The following NMT2 variants were observed in gnomAD, a reference collection of about 807,000 sequenced individuals.
NMT2 encodes the protein glycylpeptide N-tetradecanoyltransferase 2.
In NMT2, 35 loss-of-function variants were observed where a neutral mutation model predicts 65.4. That is an observed-to-expected ratio of 0.54 (90% CI 0.41 to 0.71). NMT2 has a LOEUF of 0.71. Ranked by LOEUF, NMT2 falls within the 30% of genes least tolerant of loss-of-function variation. The probability of loss-of-function intolerance (pLI) is 0.00; values close to 1 mark genes in which losing one functional copy is unlikely to be tolerated. For missense variants in NMT2, 489 were observed against 611.3 expected, an observed-to-expected ratio of 0.80 and a Z score of 2.11; for synonymous variants, 226 against 231.8, an observed-to-expected ratio of 0.98 and a Z score of 0.23.
chr10:15,152,401 G>A (rs1219176777), intron 1 of NMT2, among the ~76,000 whole-genome samples: 1 of 152,220 alleles, frequency 6.6e-6, no homozygotes, highest in Non-Finnish European at 1.5e-5. Flanking sequence ...AAGACAAGGA[G>A]CAAGTGGCAG....
Position 15,109,755 on chromosome 10 carries a change from T to G in NMT2, c.1423A>C (p.Asn475His). The change falls in exon 11 of 12, where the codon AAT becomes CAT. Residue 475 changes from asparagine (N) to histidine (H), a missense_variant. Coordinates refer to ENST00000378165, the MANE Select transcript of NMT2 (RefSeq NM_004808.3). ...EKLKFGIGDG[N>H]LQYYLYNWRC... ...CAATTGTACAGGTAATACTGCAAATTGCCATCTCCTATACCAAACTTGAGT... is the reference window on the plus strand; with the variant it reads ...CAATTGTACAGGTAATACTGCAAATGGCCATCTCCTATACCAAACTTGAGT... 6.2e-7 allele frequency: 1 copy of G among 1,613,894 alleles called. No homozygotes were observed. The highest frequency in any genetic ancestry group is 8.5e-7 in the Non-Finnish European group (1 of 1,179,890).
intron 2 of NMT2, among the ~76,000 whole-genome samples, chr10:15,139,273 TATCTATCTATCTATCTATCTATCC>T (rs960920428): frequency 2.6e-5 from 4 of 151,316 alleles, no homozygotes; most frequent in African/African-American, 9.8e-5. Flanking sequence ...TCTATCTATC[TATCTATCTATCTATCTATCTATCC>T]ATCCATCCAT....
At chr10:15,112,218 T>TATA (rs1564557605) in intron 10 of NMT2, among the ~76,000 whole-genome samples, 20 of 9,510 alleles carry the variant, frequency 2.1e-3, no homozygotes, top group Non-Finnish European at 3.6e-3. Flanking sequence ...ATATATATAT[T>TATA]TTTTTTTTTT....
At chr10:15,132,694 C>A in intron 6 of NMT2, 123 bp downstream of exon 6, 1 of 636,768 alleles carries the variant, frequency 1.6e-6, no homozygotes, top group Non-Finnish European at 2.7e-6. Flanking sequence ...TCCCAAAGTG[C>A]TGGGATTAGA....
rs540627585 is a variant in NMT2 at position 15,143,581 on chromosome 10, G to T, written c.111-2024C>A. Among the ~76,000 whole-genome samples, 6 of 152,348 alleles carry T rather than the reference G, an allele frequency of 3.9e-5. No individual in the cohort carries two copies. The South Asian group carries it at 1.0e-3, about 26-fold the overall frequency. On this transcript the variant is annotated intron_variant, in intron 1 of 11. Transcript: ENST00000378165. ...GTCAGTTAGTAATTTGCTCAGCCAG[G>T]CATGGTGGCTCACGCCTATAATCCC...
At chr10:15,135,805 C>G (rs1846465426) in intron 2 of NMT2, among the ~76,000 whole-genome samples, 3 of 151,318 alleles carry the variant, frequency 2.0e-5, no homozygotes, top group Admixed American at 1.3e-4. Flanking sequence ...AGTAAATGCT[C>G]TGCAGGAGCA....
intron 8 of NMT2, among the ~76,000 whole-genome samples, chr10:15,122,830 C>T (rs1002733176): frequency 1.3e-5 from 2 of 151,938 alleles, no homozygotes; most frequent in Non-Finnish European, 2.9e-5. Flanking sequence ...AAACAAAAGA[C>T]TACAGAAATA....
At position 15,107,062 on chromosome 10, in the gene NMT2, C is replaced by G. The variant is rs1030362355; in HGVS notation, c.*2133G>C. On this transcript the variant is annotated 3_prime_UTR_variant, in exon 12 of 12. Coordinates refer to ENST00000378165, the MANE Select transcript of NMT2 (RefSeq NM_004808.3). ...GTTTGGGGCTGCAGTGAGCTGTTGA[C>G]TGTGCCACTGTATTCTAGCCTGGAC... Among the ~76,000 whole-genome samples the G allele has an allele frequency of 1.3e-5, 2 of 149,050 alleles. No homozygotes were observed. Among genetic ancestry groups the G allele is most frequent in the Non-Finnish European group, 1.5e-5 (1 of 67,792 alleles).
At chr10:15,141,633 A>G in intron 1 of NMT2, 76 bp from the exon 2 acceptor site, 1 of 1,485,410 alleles carries the variant, frequency 6.7e-7, no homozygotes, top group Non-Finnish European at 9.0e-7. Flanking sequence ...CATACAATTA[A>G]TCATTTCAAA....
At chr10:15,157,420 C>T (rs1337320524) in intron 1 of NMT2, among the ~76,000 whole-genome samples, 1 of 152,144 alleles carries the variant, frequency 6.6e-6, no homozygotes, top group African/African-American at 2.4e-5. Context: ...TACCTCCCGG[C>T]AGCGCTTTCA....
chr10:15,157,119 C>A (rs191274632), intron 1 of NMT2, among the ~76,000 whole-genome samples: 1 of 152,264 alleles, frequency 6.6e-6, no homozygotes, highest in Non-Finnish European at 1.5e-5. Context: ...CCAACCTTCT[C>A]TGGGAAGGTA....
At position 15,105,931 on chromosome 10, in the gene NMT2, A is replaced by G; in HGVS notation, c.*3264T>C. Reference sequence around the variant, plus strand: ...ACAAATTATGTAAATGACTCTTTAAAGGAGCAGTGTAACTGTCACCGTGAG... The same window carrying G: ...ACAAATTATGTAAATGACTCTTTAAGGGAGCAGTGTAACTGTCACCGTGAG... On this transcript the variant is annotated 3_prime_UTR_variant, in exon 12 of 12. Coordinates refer to ENST00000378165, the MANE Select transcript of NMT2 (RefSeq NM_004808.3). 3.2e-6 allele frequency: 1 copy of G among 309,538 alleles called. No individual in the cohort carries two copies. 19.2% of individuals were successfully genotyped at this position (309,538 alleles called of 1,614,324 possible). A position where few individuals can be genotyped will look rare whatever the true frequency, so the allele number is the denominator to read the frequency against.
chr10:15,137,884 A>G (rs1345764890), intron 2 of NMT2, among the ~76,000 whole-genome samples: 1 of 152,122 alleles, frequency 6.6e-6, no homozygotes, highest in African/African-American at 2.4e-5. Context: ...CTTCAGAGTG[A>G]TTTATTCCCT....
At chr10:15,136,450 AGGAG>A (rs1472879502) in intron 2 of NMT2, among the ~76,000 whole-genome samples, 2 of 96,652 alleles carry the variant, frequency 2.1e-5, no homozygotes, top group Non-Finnish European at 4.1e-5. Context: ...GGACAGGGGG[AGGAG>A]GGAGGGAGAG....
rs573364749 is a variant in NMT2, at chr10:15,142,516, T to C, written c.111-959A>G. Among the ~76,000 whole-genome samples the C allele has an allele frequency of 2.6e-5, 4 of 152,254 alleles. No homozygotes were observed. The South Asian group carries it at 8.3e-4, about 32-fold the overall frequency. On this transcript the variant is annotated intron_variant, in intron 1 of 11. Coordinates refer to ENST00000378165, the MANE Select transcript of NMT2 (RefSeq NM_004808.3). ...GACGGAGGTTGCAGTGAGCCAAGATTGTGCCACTGCACTCTGGCCTGGGCA... is the reference window on the plus strand; with the variant it reads ...GACGGAGGTTGCAGTGAGCCAAGATCGTGCCACTGCACTCTGGCCTGGGCA...
intron 1 of NMT2, among the ~76,000 whole-genome samples, chr10:15,166,208 G>A (rs1833373763): frequency 6.6e-6 from 1 of 152,162 alleles, no homozygotes; most frequent in African/African-American, 2.4e-5. Context: ...ACATTATACT[G>A]AGTGGTGGGG....
intron 9 of NMT2, among the ~76,000 whole-genome samples, chr10:15,118,639 T>G (rs1217283180): frequency 1.4e-5 from 2 of 145,652 alleles, no homozygotes; most frequent in Admixed American, 1.4e-4. Flanking sequence ...ATAAAAGAAA[T>G]AAACATGGCT....
chr10:15,113,394 C>T (rs760750589), intron 9 of NMT2, among the ~76,000 whole-genome samples: 1 of 145,450 alleles, frequency 6.9e-6, no homozygotes, highest in Admixed American at 6.9e-5. Flanking sequence ...CGCTTGAACC[C>T]CAGAGGCGGA....
chr10:15,133,622 T>G (rs138825884), intron 3 of NMT2, among the ~76,000 whole-genome samples: 1,768 of 152,314 alleles, frequency 0.012, 141 homozygotes, highest in Admixed American at 0.1. Flanking sequence ...GGTCTCACTC[T>G]GTCGCCAAGG....
Sources: gnomAD v4.1 joint callset for allele counts (sites outside exome capture counted in the v4.1 genomes callset) on GRCh38, gnomAD v4.1.1 for gene constraint, MANE v1.5 for transcripts, NCBI Gene and HGNC (gene_info 2026-07-23, HGNC 2026-07-21) for gene names.